CISH: variants seen among roughly 807,000 people sequenced by gnomAD.
CISH encodes the protein cytokine-inducible SH2-containing protein.
CISH carries 11 observed loss-of-function variants against 21.3 expected under a neutral mutation model. The ratio of observed to expected loss-of-function variants is 0.52; its 90% CI spans 0.32 to 0.85. The LOEUF is 0.85. CISH is among the 40% of genes least tolerant of loss of function. CISH has a pLI of 0.03. For missense variants in CISH, 280 were observed against 351.7 expected, an observed-to-expected ratio of 0.80 and a Z score of 1.63; for synonymous variants, 118 against 142.3, an observed-to-expected ratio of 0.83 and a Z score of 1.22.
At chr3:50,610,714 C>T in intron 1 of CISH, 2 of 1,304,866 alleles carry the variant, frequency 1.5e-6, no homozygotes, top group African/African-American at 3.0e-5. Flanking sequence ...TTGGCCTCAC[C>T]TTCCACCCTC....
At chr3:50,610,407 C>T (rs2032287229) in intron 1 of CISH, 1 of 1,551,570 alleles carries the variant, frequency 6.4e-7, no homozygotes, top group East Asian at 2.4e-5. Flanking sequence ...GTGTCATCAT[C>T]ATGGTGGGGA....
intron 1 of CISH, chr3:50,609,390 G>C (rs1200296675): frequency 6.6e-6 from 1 of 152,254 alleles, no homozygotes; most frequent in Non-Finnish European, 1.5e-5. Context: ...CTACGATCTT[G>C]TACAAAGCTT....
chr3:50,610,447 T>C, intron 1 of CISH: 1 of 1,551,526 alleles, frequency 6.4e-7, no homozygotes, highest in Non-Finnish European at 8.7e-7. Flanking sequence ...GGTACATGTG[T>C]GTGCCCGCTT....
chr3:50,610,110 G>A (rs982899899), intron 1 of CISH: 2 of 537,570 alleles, frequency 3.7e-6, no homozygotes, highest in Admixed American at 3.1e-5. Flanking sequence ...TACCCTGGCT[G>A]TACTGTGGGA....
At chr3:50,610,719 A>C (rs1575987323) in intron 1 of CISH, 3 of 1,282,648 alleles carry the variant, frequency 2.3e-6, no homozygotes, top group Non-Finnish European at 3.0e-6. Context: ...CTCACCTTCC[A>C]CCCTCCCTCA....
At position 50,607,958 on chromosome 3, in the gene CISH, G is replaced by A; in HGVS notation, c.426C>T (p.Ser142=). Residue 142 remains serine, a synonymous_variant, in exon 3 of 3, where the codon TCC becomes TCT. Transcript: ENST00000348721. The part of the protein sequence containing the change: ...EYADSSFRLD[S]NCLSRPRILA... Reference sequence around the variant, plus strand: ...GGATGCGTGGCCTGGACAAGCAGTTGGAGTCCAGACGGAAGCTGGAGTCGG... The same window carrying A: ...GGATGCGTGGCCTGGACAAGCAGTTAGAGTCCAGACGGAAGCTGGAGTCGG... 1 of 1,613,996 alleles carries A rather than the reference G, an allele frequency of 6.2e-7. No homozygotes were observed. Among genetic ancestry groups the A allele is most frequent in the Non-Finnish European group, 8.5e-7 (1 of 1,180,022 alleles).
intron 1 of CISH, chr3:50,608,826 T>C (rs1164598537): frequency 2.3e-6 from 1 of 431,914 alleles, no homozygotes; most frequent in Non-Finnish European, 4.1e-6. Flanking sequence ...GAAAGATTCT[T>C]TTCCACTGCC....
At chr3:50,611,553 C>T in intron 1 of CISH, 78 bp downstream of exon 1, 1 of 1,522,764 alleles carries the variant, frequency 6.6e-7, no homozygotes, top group East Asian at 2.7e-5. Context: ...CTCCCAATGC[C>T]CGGCAGCTAG....
chr3:50,611,061 G>T, intron 1 of CISH: 1 of 990,592 alleles, frequency 1.0e-6, no homozygotes, highest in Non-Finnish European at 1.2e-6. Flanking sequence ...GTTGTGAGAC[G>T]ATTGTGGGGG....
In CISH at chr3:50,607,255, A is replaced by C; in HGVS notation, c.*352T>G. The C allele has an allele frequency of 3.7e-6, 1 of 267,632 alleles. No individual in the cohort carries two copies. The highest frequency in any genetic ancestry group is 7.2e-6 in the Non-Finnish European group (1 of 138,732). 16.6% of individuals were successfully genotyped at this position (267,632 alleles called of 1,614,324 possible). On this transcript the variant is annotated 3_prime_UTR_variant, in exon 3 of 3. Transcript: ENST00000348721. Reference sequence around the variant, plus strand: ...GTAGGGGTCCTACCCGACCCTGGGGATTGAAAAACCAGGGCTGAGAGTGCC... The same window carrying C: ...GTAGGGGTCCTACCCGACCCTGGGGCTTGAAAAACCAGGGCTGAGAGTGCC...
intron 1 of CISH, 163 bp downstream of exon 1, chr3:50,611,468 G>C: frequency 4.2e-6 from 6 of 1,419,480 alleles, no homozygotes; most frequent in Non-Finnish European, 5.5e-6. Context: ...GGCGGGGAGT[G>C]GGAGTGTCAC....
intron 2 of CISH, 46 bp from the exon 3 acceptor site, chr3:50,608,188 G>C (rs2032216013): frequency 6.4e-7 from 1 of 1,565,854 alleles, no homozygotes; most frequent in Non-Finnish European, 8.7e-7. Context: ...GAAATTAGCT[G>C]GGGTAACCAA....
At chr3:50,610,463 C>T (rs773996046) in intron 1 of CISH, 5 of 1,551,290 alleles carry the variant, frequency 3.2e-6, no homozygotes, top group South Asian at 1.2e-5. Flanking sequence ...CGCTTTGGAG[C>T]GCAGCAGTCT....
rs1180302539 is a variant in CISH, at chr3:50,611,572, C to T, written c.20+59G>A. ...CAATGCCCGGCAGCTAGCACGAAGC[C>T]CCTGTTCTCCCGTGCGCCCCTCGTG... On this transcript the variant is annotated intron_variant, in intron 1 of 2. Transcript: ENST00000348721. The T allele has an allele frequency of 6.6e-6, 10 of 1,525,710 alleles. No individual in the cohort carries two copies. In the Admixed American group the frequency reaches 1.4e-4, roughly 22 times the overall value. The allele number at this position is 1,525,710 out of a possible 1,614,324, so 94.5% of individuals were successfully genotyped here.
rs774219715 is a variant in CISH, at chr3:50,611,733, G to T, written c.-83C>A. The stretch of plus-strand genomic sequence containing the variant: ...GGGAACCAGTGGGCGCGGAGCGCGT[G>T]CTGGGTAGGCTCCCGGGGCGCGCGG... On this transcript the variant is annotated 5_prime_UTR_variant, in exon 1 of 3. Transcript: ENST00000348721. 1.1e-5 allele frequency: 15 copies of T among 1,404,038 alleles called. No homozygotes were observed. Among genetic ancestry groups the T allele is most frequent in the Non-Finnish European group, 1.3e-5 (14 of 1,080,518 alleles). 87.0% of individuals were successfully genotyped at this position (1,404,038 alleles called of 1,614,324 possible).
Position 50,608,418 on chromosome 3 carries a change from C to A in CISH, c.196G>T (p.Asp66Tyr). 6.2e-7 allele frequency: 1 copy of A among 1,613,436 alleles called. No individual in the cohort carries two copies. Among genetic ancestry groups the A allele is most frequent in the Non-Finnish European group, 8.5e-7 (1 of 1,179,650 alleles). Residue 66 changes from aspartate to tyrosine, a missense_variant, in exon 2 of 3, where the codon GAT becomes TAT. Asp to Tyr is a radical substitution (Grantham distance 160, BLOSUM62 -3). Coordinates refer to ENST00000348721, the MANE Select transcript of CISH (RefSeq NM_145071.4). ...AAGGTCTTGGCTATGCACAGCAGAT[C>A]CTCCTCTGGGTCCAGCACCTTTGGC... ...SEPKVLDPEE[D>Y]LLCIAKTFSY...
In CISH at chr3:50,607,994, G is replaced by A. The variant is rs372502239; in HGVS notation, c.390C>T (p.Arg130=). 41 of 1,613,958 alleles carry A rather than the reference G, an allele frequency of 2.5e-5. No homozygotes were observed. The highest frequency in any genetic ancestry group is 3.2e-5 in the Non-Finnish European group (38 of 1,180,040). The part of the protein sequence containing the change: ...VKTTRGPTNV[R]IEYADSSFRL... ...GGAAGCTGGAGTCGGCATACTCAAT[G>A]CGTACATTGGTGGGGCCACGAGTGG... The change falls in exon 3 of 3, where the codon CGC becomes CGT. Residue 130 remains arginine, a synonymous_variant. Coordinates refer to ENST00000348721, the MANE Select transcript of CISH (RefSeq NM_145071.4).
At chr3:50,609,206 C>T (rs1398373789) in intron 1 of CISH, 1 of 152,266 alleles carries the variant, frequency 6.6e-6, no homozygotes, top group African/African-American at 2.4e-5. Flanking sequence ...TAATCCCCTA[C>T]CCATACAAGT....
chr3:50,611,701 G>A lies in CISH; in HGVS notation c.-51C>T, dbSNP rs1286435948. The stretch of plus-strand genomic sequence containing the variant: ...AGTGGGGACTCGGCTGGACGGCGGC[G>A]GCTGGAGGGAACCAGTGGGCGCGGA... On this transcript the variant is annotated 5_prime_UTR_variant, in exon 1 of 3. Coordinates refer to ENST00000348721, the MANE Select transcript of CISH (RefSeq NM_145071.4). 6.9e-7 allele frequency: 1 copy of A among 1,452,186 alleles called. No individual in the cohort carries two copies. The highest frequency in any genetic ancestry group is 3.0e-5 in the Admixed American group (1 of 32,838). The allele number at this position is 1,452,186 out of a possible 1,614,324, so 90.0% of individuals were successfully genotyped here.
Sources: allele counts gnomAD v4.1 joint callset, GRCh38; gene constraint gnomAD v4.1.1; transcripts MANE v1.5; gene names NCBI Gene and HGNC (gene_info 2026-07-23, HGNC 2026-07-21).